Variants in EFNA5 observed in about 807,000 individuals in gnomAD.
EFNA5 encodes ephrin-A5.
EFNA5 carries 5 observed loss-of-function variants against 22.9 expected under a neutral mutation model. The observed-to-expected ratio is 0.22, with a 90% CI of 0.11 to 0.46. EFNA5 has a LOEUF of 0.46. EFNA5 is among the 20% of genes least tolerant of loss of function. The pLI, the probability that EFNA5 is intolerant of heterozygous loss-of-function variation, is 0.99. For missense variants in EFNA5, 237 were observed against 293.3 expected (o/e 0.81, Z 1.40); for synonymous variants, 113 against 112.2 (o/e 1.01, Z -0.04).
chr5:107,580,439 C>T (rs979469999), intron 1 of EFNA5, among the ~76,000 whole-genome samples: 1 of 151,956 alleles, frequency 6.6e-6, no homozygotes, highest in Non-Finnish European at 1.5e-5. Flanking sequence ...ATACTTACAC[C>T]CTTTCACAGG....
intron 2 of EFNA5, among the ~76,000 whole-genome samples, chr5:107,414,915 C>T (rs1748463942): frequency 6.6e-6 from 1 of 152,034 alleles, no homozygotes; most frequent in South Asian, 2.1e-4. Context: ...ATATTAATAT[C>T]TCTGAGATTA....
intron 1 of EFNA5, among the ~76,000 whole-genome samples, chr5:107,525,235 T>G (rs2112446679): frequency 6.6e-6 from 1 of 152,262 alleles, no homozygotes; most frequent in South Asian, 2.1e-4. Flanking sequence ...ACTGAAGAAA[T>G]TACAGTTCTT....
At chr5:107,641,357 C>CAA (rs33968147) in intron 1 of EFNA5, among the ~76,000 whole-genome samples, 6 of 146,966 alleles carry the variant, frequency 4.1e-5, no homozygotes, top group South Asian at 2.1e-4. Context: ...GACTCTGTCT[C>CAA]AAAAAAAAAA....
In EFNA5 at chr5:107,640,133, C is replaced by T. The variant is rs1025512007; in HGVS notation, c.125+30356G>A. Among the ~76,000 whole-genome samples, 4 of 152,244 alleles carry T rather than the reference C, an allele frequency of 2.6e-5. No homozygotes were observed. The East Asian group carries it at 7.7e-4, about 29-fold the overall frequency. Reference sequence around the variant, plus strand: ...AAGATACTGAGAGGCTGAGACTTAACGCCATTTTTTAATCTGCATTTCCCA... The same window carrying T: ...AAGATACTGAGAGGCTGAGACTTAATGCCATTTTTTAATCTGCATTTCCCA... On this transcript the variant is annotated intron_variant, in intron 1 of 4. Transcript: ENST00000333274.
At chr5:107,592,724 G>A (rs532859275) in intron 1 of EFNA5, among the ~76,000 whole-genome samples, 3 of 152,246 alleles carry the variant, frequency 2.0e-5, no homozygotes, top group Non-Finnish European at 2.9e-5. Context: ...CAATGTGAGC[G>A]AATCGGCATC....
intron 1 of EFNA5, among the ~76,000 whole-genome samples, chr5:107,535,168 G>GT (rs1747901996): frequency 6.6e-6 from 1 of 152,160 alleles, no homozygotes; most frequent in Non-Finnish European, 1.5e-5. Context: ...TTCAACAGCG[G>GT]TGGGTACCTA....
intron 1 of EFNA5, among the ~76,000 whole-genome samples, chr5:107,539,760 G>A (rs1000614336): frequency 2.6e-5 from 4 of 152,084 alleles, no homozygotes; most frequent in African/African-American, 7.2e-5. Context: ...CACAGCGCCC[G>A]GCCAGAAAAC....
intron 1 of EFNA5, among the ~76,000 whole-genome samples, chr5:107,552,147 A>T (rs1248150541): frequency 6.6e-6 from 1 of 152,120 alleles, no homozygotes; most frequent in Non-Finnish European, 1.5e-5. Context: ...GGCCCACAAC[A>T]CTGCAAAACA....
chr5:107,437,357 C>T (rs1749140764), intron 1 of EFNA5, among the ~76,000 whole-genome samples: 1 of 152,140 alleles, frequency 6.6e-6, no homozygotes, highest in Admixed American at 6.5e-5. Flanking sequence ...AAGGTAATTA[C>T]TTCTATTTGG....
intron 1 of EFNA5, among the ~76,000 whole-genome samples, chr5:107,520,204 C>T (rs1230021463): frequency 2.6e-5 from 4 of 152,136 alleles, no homozygotes; most frequent in Non-Finnish European, 5.9e-5. Context: ...GTACTGTACC[C>T]GAGGCTTTCT....
rs1561395113 is a variant in EFNA5 at position 107,458,616 on chromosome 5, C to T, written c.126-31107G>A. On this transcript the variant is annotated intron_variant, in intron 1 of 4. Coordinates refer to ENST00000333274, the MANE Select transcript of EFNA5 (RefSeq NM_001962.3). ...AATAAACTGCAGTTATAAACTAGTA[C>T]ATCATTATAAAAAAAAATTGTGATA... 2.6e-5 allele frequency among the ~76,000 whole-genome samples: 4 copies of T among 151,986 alleles called. No homozygotes were observed. The South Asian group carries it at 8.3e-4, about 31-fold the overall frequency.
At chr5:107,453,191 C>G (rs1030249524) in intron 1 of EFNA5, among the ~76,000 whole-genome samples, 4 of 152,040 alleles carry the variant, frequency 2.6e-5, no homozygotes, top group Non-Finnish European at 5.9e-5. Flanking sequence ...CTAAAACTGA[C>G]AGAATGTTCA....
At chr5:107,528,927 CAG>C (rs890576124) in intron 1 of EFNA5, among the ~76,000 whole-genome samples, 10 of 152,154 alleles carry the variant, frequency 6.6e-5, no homozygotes, top group African/African-American at 2.4e-4. Context: ...ATAAATACAT[CAG>C]AGTTACTTAC....
chr5:107,425,318 A>G (rs909939225), intron 2 of EFNA5, among the ~76,000 whole-genome samples: 3 of 152,234 alleles, frequency 2.0e-5, no homozygotes, highest in Admixed American at 6.5e-5. Flanking sequence ...GGTGCTCTCT[A>G]TTCATTTTTG....
At chr5:107,413,112 T>C (rs1424824404) in intron 2 of EFNA5, among the ~76,000 whole-genome samples, 1 of 152,144 alleles carries the variant, frequency 6.6e-6, no homozygotes, top group African/African-American at 2.4e-5. Context: ...GAAGCATGGG[T>C]TGAAGTCTCC....
chr5:107,550,529 A>G (rs1748271689), intron 1 of EFNA5, among the ~76,000 whole-genome samples: 1 of 152,212 alleles, frequency 6.6e-6, no homozygotes, highest in African/African-American at 2.4e-5. Context: ...GGGAAGAAAA[A>G]CACATACTTT....
At chr5:107,588,543 A>G (rs934335638) in intron 1 of EFNA5, among the ~76,000 whole-genome samples, 3 of 152,214 alleles carry the variant, frequency 2.0e-5, no homozygotes, top group Non-Finnish European at 4.4e-5. Flanking sequence ...ATTATTAAAA[A>G]CTATATATTA....
At chr5:107,545,901 G>A (rs1748136033) in intron 1 of EFNA5, among the ~76,000 whole-genome samples, 1 of 152,120 alleles carries the variant, frequency 6.6e-6, no homozygotes, top group Admixed American at 6.6e-5. Flanking sequence ...TATGAACTAA[G>A]AGAAAATTTT....
chr5:107,431,580 C>G (rs771337823), intron 1 of EFNA5, among the ~76,000 whole-genome samples: 1 of 152,132 alleles, frequency 6.6e-6, no homozygotes, highest in Non-Finnish European at 1.5e-5. Context: ...CAATATTACA[C>G]AACTAGTAAA....
Sources: allele counts gnomAD v4.1 joint callset (sites outside exome capture counted in the v4.1 genomes callset), GRCh38; gene constraint gnomAD v4.1.1; transcripts MANE v1.5; gene names NCBI Gene and HGNC (gene_info 2026-07-23, HGNC 2026-07-21).